The following FBXO25 variants were observed in gnomAD, a reference collection of about 807,000 sequenced individuals.
FBXO25 encodes F-box only protein 25.
Under a neutral mutation model 51.9 loss-of-function variants are expected in FBXO25, and 45 were observed. The ratio of observed to expected loss-of-function variants is 0.87; its 90% CI spans 0.68 to 1.11. The LOEUF (loss-of-function observed/expected upper bound fraction) is 1.11. Among genes scored for constraint, FBXO25 ranks in the 50% most tolerant of loss-of-function variants. The probability of loss-of-function intolerance (pLI) is 0.00; values close to 1 mark genes in which losing one functional copy is unlikely to be tolerated. For missense variants in FBXO25, 507 were observed against 428.5 expected, an observed-to-expected ratio of 1.18 and a Z score of -1.62; for synonymous variants, 199 against 151.0, an observed-to-expected ratio of 1.32 and a Z score of -2.33.
In FBXO25 at chr8:475,222, C is replaced by T. The variant is rs923937979; in HGVS notation, c.*6418C>T. 3.5e-6 allele frequency: 1 copy of T among 286,986 alleles called. No individual in the cohort carries two copies. Among genetic ancestry groups the T allele is most frequent in the Non-Finnish European group, 6.7e-6 (1 of 150,222 alleles). The allele number at this position is 286,986 out of a possible 1,614,324, so 17.8% of individuals were successfully genotyped here. ...GACTGTCCTTTCTCCCTTGAATGGT[C>T]TTGGCACCATCAAAAATCATTTGAC... On this transcript the variant is annotated 3_prime_UTR_variant, in exon 10 of 10. Transcript: ENST00000350302.
chr8:468,192 G>A, intron 9 of FBXO25: 1 of 1,012,672 alleles, frequency 9.9e-7, no homozygotes. Flanking sequence ...ATGTGAGCAT[G>A]GCCAGCTCCC....
At chr8:456,840 C>A (rs1361015892) in intron 7 of FBXO25, among the ~76,000 whole-genome samples, 1 of 152,076 alleles carries the variant, frequency 6.6e-6, no homozygotes, top group African/African-American at 2.4e-5. Flanking sequence ...TTCTGAAGTC[C>A]CAGGAAGGTG....
chr8:450,429 C>T (rs958091770), intron 6 of FBXO25, among the ~76,000 whole-genome samples: 7 of 152,198 alleles, frequency 4.6e-5, no homozygotes, highest in African/African-American at 1.7e-4. Flanking sequence ...ACTTAGGCAT[C>T]AGATAAGCCA....
intron 2 of FBXO25, among the ~76,000 whole-genome samples, chr8:417,388 A>G (rs1796873789): frequency 6.6e-6 from 1 of 152,244 alleles, no homozygotes; most frequent in Non-Finnish European, 1.5e-5. Flanking sequence ...GGAAATGATC[A>G]TGGCTTAGAG....
intron 2 of FBXO25, among the ~76,000 whole-genome samples, chr8:425,718 C>A (rs568525252): frequency 6.6e-6 from 1 of 151,902 alleles, no homozygotes; most frequent in South Asian, 2.1e-4. Context: ...CCTTTTATAG[C>A]TGTATATCTT....
intron 9 of FBXO25, 107 bp downstream of exon 9, chr8:463,257 TATAAG>T: frequency 8.1e-7 from 1 of 1,234,246 alleles, no homozygotes; most frequent in Non-Finnish European, 1.2e-6. Context: ...TACTGTTTGT[TATAAG>T]TAAGTTAAGG....
At chr8:430,992 G>C (rs545177016) in intron 2 of FBXO25, among the ~76,000 whole-genome samples, 1 of 152,264 alleles carries the variant, frequency 6.6e-6, no homozygotes, top group East Asian at 1.9e-4. Flanking sequence ...TCATTGGTCA[G>C]TATTGGGTAT....
At chr8:412,260 T>C (rs2117412750) in intron 1 of FBXO25, among the ~76,000 whole-genome samples, 1 of 152,270 alleles carries the variant, frequency 6.6e-6, no homozygotes. Context: ...GTATGTCTTA[T>C]CCCAGATCCA....
At chr8:419,965 T>G (rs142758407) in intron 2 of FBXO25, among the ~76,000 whole-genome samples, 173 of 152,258 alleles carry the variant, frequency 1.1e-3, no homozygotes, top group African/African-American at 4.1e-3. Context: ...TCGGTGAACC[T>G]GTACTTCACC....
At position 476,456 on chromosome 8, in the gene FBXO25, A is replaced by T. The variant is rs1194668911; in HGVS notation, c.*7652A>T. The stretch of plus-strand genomic sequence containing the variant: ...GAGGAGAATTGATTTAATTCTTCAG[A>T]TGTTTGCCAGAATTCCCATATGACC... On this transcript the variant is annotated 3_prime_UTR_variant, in exon 10 of 10. Coordinates refer to ENST00000350302, the MANE Select transcript of FBXO25 (RefSeq NM_183420.2). 4 of 152,134 alleles carry T rather than the reference A, an allele frequency of 2.6e-5. No individual in the cohort carries two copies. The highest frequency in any genetic ancestry group is 2.6e-4 in the Admixed American group (4 of 15,272). 9.4% of individuals were successfully genotyped at this position (152,134 alleles called of 1,614,324 possible). A position where few individuals can be genotyped will look rare whatever the true frequency, so the allele number is the denominator to read the frequency against.
At chr8:448,977 A>T (rs535034207) in intron 5 of FBXO25, among the ~76,000 whole-genome samples, 2 of 152,328 alleles carry the variant, frequency 1.3e-5, no homozygotes, top group East Asian at 3.9e-4. Flanking sequence ...GAGAGAACGC[A>T]AAGTTTTTCA....
chr8:417,902 G>C (rs1288292033), intron 2 of FBXO25, among the ~76,000 whole-genome samples: 1 of 152,128 alleles, frequency 6.6e-6, no homozygotes, highest in African/African-American at 2.4e-5. Context: ...TTGCATACTT[G>C]TGTGAATATT....
At chr8:424,025 A>G (rs1011202380) in intron 2 of FBXO25, among the ~76,000 whole-genome samples, 2 of 151,194 alleles carry the variant, frequency 1.3e-5, no homozygotes, top group East Asian at 1.9e-4. Flanking sequence ...GTTTTGATGC[A>G]TTTCTCTAAT....
rs182275574 is a variant in FBXO25, at chr8:475,140, G to A, written c.*6336G>A. The stretch of plus-strand genomic sequence containing the variant: ...ATCTATTTTAATTTTTATATATGGT[G>A]TGAGGTAGATCTAGCTTCATGTGGA... On this transcript the variant is annotated 3_prime_UTR_variant, in exon 10 of 10. Transcript: ENST00000350302. 340 of 357,566 alleles carry A rather than the reference G, an allele frequency of 9.5e-4. No individual in the cohort carries two copies. Among genetic ancestry groups the A allele is most frequent in the Non-Finnish European group, 1.4e-3 (264 of 185,876 alleles). 22.1% of individuals were successfully genotyped at this position (357,566 alleles called of 1,614,324 possible).
At chr8:468,031 C>G (rs1800298502) in intron 9 of FBXO25, 6 of 1,285,862 alleles carry the variant, frequency 4.7e-6, no homozygotes, top group Non-Finnish European at 5.9e-6. Context: ...GGCAGCACTG[C>G]CAGGGCATGC....
At chr8:435,317 C>A (rs1798040041) in intron 4 of FBXO25, 6 of 394,534 alleles carry the variant, frequency 1.5e-5, no homozygotes, top group South Asian at 1.4e-4. Flanking sequence ...GTCGTCCACA[C>A]CCCAGTTTGT....
chr8:418,999 A>G (rs1218294102), intron 2 of FBXO25, among the ~76,000 whole-genome samples: 2 of 152,224 alleles, frequency 1.3e-5, no homozygotes, highest in African/African-American at 2.4e-5. Context: ...CACAAAAACC[A>G]CAAGCTGTGA....
intron 9 of FBXO25, among the ~76,000 whole-genome samples, chr8:465,867 T>C (rs986559206): frequency 6.6e-6 from 1 of 152,204 alleles, no homozygotes; most frequent in Non-Finnish European, 1.5e-5. Flanking sequence ...CTGATTTTTT[T>C]AAATTGAGAG....
chr8:445,661 T>C (rs6997615), intron 5 of FBXO25, among the ~76,000 whole-genome samples: 67,730 of 152,074 alleles, frequency 0.45, 15,866 homozygotes, highest in African/African-American at 0.6. Context: ...GAGACCAGCC[T>C]GGCCAACATG....
Sources: gnomAD v4.1 joint callset for allele counts (sites outside exome capture counted in the v4.1 genomes callset) on GRCh38, gnomAD v4.1.1 for gene constraint, MANE v1.5 for transcripts, NCBI Gene and HGNC (gene_info 2026-07-23, HGNC 2026-07-21) for gene names.